TBR1: variants seen among roughly 807,000 people sequenced by gnomAD.
The protein encoded by TBR1 is T-box brain transcription factor 1, also known as T-box brain protein 1.
A neutral mutation model predicts 60.3 loss-of-function variants in TBR1; 7 were observed. That is an observed-to-expected ratio of 0.12 (90% CI 0.07 to 0.22). The LOEUF is 0.22. Among genes scored for constraint, TBR1 ranks in the 10% least tolerant of loss-of-function variants. The pLI is 1.00. For synonymous variants in TBR1, 417 were observed against 409.9 expected (o/e 1.02, Z -0.21); for missense variants, 616 against 936.8 (o/e 0.66, Z 4.47).
At chr2:161,419,542 A>G (rs1482710015) in intron 4 of TBR1, 2 of 155,026 alleles carry the variant, frequency 1.3e-5, no homozygotes, top group African/African-American at 4.8e-5. Context: ...AAGAACATAC[A>G]CATTCATATA....
In TBR1 at chr2:161,416,462, C is replaced by G; in HGVS notation, c.52C>G (p.Leu18Val). The G allele has an allele frequency of 6.2e-7, 1 of 1,612,432 alleles. No homozygotes were observed. Among genetic ancestry groups the G allele is most frequent in the Non-Finnish European group, 8.5e-7 (1 of 1,179,032 alleles). The part of the protein sequence containing the change: ...SPSIMLSKKF[L>V]NVSSSYPHSG... Reference sequence around the variant, plus strand: ...TTCTATCATGCTCTCCAAGAAATTTCTCAATGTGAGCAGCAGCTACCCACA... The same window carrying G: ...TTCTATCATGCTCTCCAAGAAATTTGTCAATGTGAGCAGCAGCTACCCACA... The change falls in exon 1 of 6, where the codon CTC (leucine) becomes GTC (valine). Residue 18 changes from leucine (L) to valine (V), a missense_variant. Leu to Val is a conservative substitution (Grantham distance 32). Coordinates refer to ENST00000389554, the MANE Select transcript of TBR1 (RefSeq NM_006593.4). The surrounding 1 kb of genome is among the most constrained non-coding windows in gnomAD (Gnocchi z 6.1).
rs2105282411 is a variant in TBR1, at chr2:161,423,529, G to GCGGGCC, written c.1353_1358dup (p.Pro455_Gly456dup). The stretch of plus-strand genomic sequence containing the variant: ...GGCCCGCTTCCACCCGGGCGCGGGC[G>GCGGGCC]CGGGCCCCGGGCCGGGTACGGACCG... On this transcript the variant is annotated inframe_insertion, in exon 6 of 6. Coordinates refer to ENST00000389554, the MANE Select transcript of TBR1 (RefSeq NM_006593.4). 2 of 1,577,738 alleles carry GCGGGCC rather than the reference G, an allele frequency of 1.3e-6. No individual in the cohort carries two copies. The highest frequency in any genetic ancestry group is 1.7e-6 in the Non-Finnish European group (2 of 1,164,928).
Position 161,419,003 on chromosome 2 carries a change from T to C in TBR1, c.1081T>C (p.Phe361Leu). 1 of 1,614,180 alleles carries C rather than the reference T, an allele frequency of 6.2e-7. No homozygotes were observed. Among genetic ancestry groups the C allele is most frequent in the Non-Finnish European group, 8.5e-7 (1 of 1,180,010 alleles). Reference sequence around the variant, plus strand: ...GCCCGGCCGCGTGCAGACGTTCACTTTCCCTGAGACTCAGTTCATCGCCGT... The same window carrying C: ...GCCCGGCCGCGTGCAGACGTTCACTCTCCCTGAGACTCAGTTCATCGCCGT... Reference protein sequence around the residue: ...SQPGRVQTFTFPETQFIAVTA... With the variant: ...SQPGRVQTFTLPETQFIAVTA... Residue 361 changes from phenylalanine (F) to leucine (L), a missense_variant, in exon 4 of 6, where the codon TTC (phenylalanine) becomes CTC (leucine). Transcript: ENST00000389554.
In TBR1 at chr2:161,424,378, C is replaced by T; in HGVS notation, c.*151C>T. 1.1e-6 allele frequency: 1 copy of T among 873,602 alleles called. No individual in the cohort carries two copies. The allele number at this position is 873,602 out of a possible 1,614,324, so 54.1% of individuals were successfully genotyped here. A position where few individuals can be genotyped will look rare whatever the true frequency, so the allele number is the denominator to read the frequency against. Reference sequence around the variant, plus strand: ...CCGTCTGCAGCGAATAAGTGCAGGTCTCCGAGCGTGATTTTAACCTTTTTT... The same window carrying T: ...CCGTCTGCAGCGAATAAGTGCAGGTTTCCGAGCGTGATTTTAACCTTTTTT... On this transcript the variant is annotated 3_prime_UTR_variant, in exon 6 of 6. Coordinates refer to ENST00000389554, the MANE Select transcript of TBR1 (RefSeq NM_006593.4). This position sits in a 1 kb window ranked among gnomAD's most constrained non-coding sequence, Gnocchi z 4.4.
intron 5 of TBR1, chr2:161,422,325 G>A (rs1418735352): frequency 1.3e-5 from 2 of 152,274 alleles, no homozygotes; most frequent in Non-Finnish European, 2.9e-5. Context: ...CTAGGCCCAG[G>A]GCCTAAAGTT....
chr2:161,419,907 G>A (rs775905314), intron 4 of TBR1: 8 of 210,004 alleles, frequency 3.8e-5, no homozygotes, highest in Non-Finnish European at 7.6e-5. Context: ...TGTGTAACAA[G>A]CATTTTTAAA....
rs1156503993 is a variant in TBR1, at chr2:161,417,416, A to G, written c.693-260A>G. 25 of 561,648 alleles carry G rather than the reference A, an allele frequency of 4.5e-5. No homozygotes were observed. In the East Asian group the frequency reaches 7.4e-4, roughly 17 times the overall value. 34.8% of individuals were successfully genotyped at this position (561,648 alleles called of 1,614,324 possible). A position where few individuals can be genotyped will look rare whatever the true frequency, so the allele number is the denominator to read the frequency against. On this transcript the variant is annotated intron_variant, in intron 1 of 5. Coordinates refer to ENST00000389554, the MANE Select transcript of TBR1 (RefSeq NM_006593.4). This position sits in a 1 kb window ranked among gnomAD's most constrained non-coding sequence, Gnocchi z 5.3. ...CACTGGCATGCACGGACAGGTGGAGACGCAGGTCGCCAACCTCGCTCTCCA... is the reference window on the plus strand; with the variant it reads ...CACTGGCATGCACGGACAGGTGGAGGCGCAGGTCGCCAACCTCGCTCTCCA...
At position 161,425,356 on chromosome 2, in the gene TBR1, A is replaced by G. The variant is rs776262735; in HGVS notation, c.*1129A>G. 5 of 152,196 alleles carry G rather than the reference A, an allele frequency of 3.3e-5. No homozygotes were observed. Among genetic ancestry groups the G allele is most frequent in the Non-Finnish European group, 5.9e-5 (4 of 68,036 alleles). 9.4% of individuals were successfully genotyped at this position (152,196 alleles called of 1,614,324 possible). On this transcript the variant is annotated 3_prime_UTR_variant, in exon 6 of 6. Coordinates refer to ENST00000389554, the MANE Select transcript of TBR1 (RefSeq NM_006593.4). Reference sequence around the variant, plus strand: ...ATAGATGACTGAATTGTTGGTAACTATAGTGTAGTCTAGTGAAGATGAATT... The same window carrying G: ...ATAGATGACTGAATTGTTGGTAACTGTAGTGTAGTCTAGTGAAGATGAATT...
At position 161,424,319 on chromosome 2, in the gene TBR1, T is replaced by C; in HGVS notation, c.*92T>C. 2 of 1,336,976 alleles carry C rather than the reference T, an allele frequency of 1.5e-6. No individual in the cohort carries two copies. The highest frequency in any genetic ancestry group is 2.9e-5 in the South Asian group (2 of 67,920). The allele number at this position is 1,336,976 out of a possible 1,614,324, so 82.8% of individuals were successfully genotyped here. On this transcript the variant is annotated 3_prime_UTR_variant, in exon 6 of 6. Transcript: ENST00000389554. This position sits in a 1 kb window ranked among gnomAD's most constrained non-coding sequence, Gnocchi z 4.4. ...AGCTCCGCCTCCCCACACTCCTCCT[T>C]GCGCACCCACTCATTTTATTTGACC... is the stretch of plus-strand genomic sequence containing the variant.
chr2:161,423,876 C>T lies in TBR1; in HGVS notation c.1698C>T (p.Pro566=). The change falls in exon 6 of 6, where the codon CCC becomes CCT. Residue 566 remains proline, a synonymous_variant. Coordinates refer to ENST00000389554, the MANE Select transcript of TBR1 (RefSeq NM_006593.4). ...TKSGSVLPCW[P]NSAAAAARMA... ...CGGGCTCGGTGCTGCCCTGCTGGCC[C>T]AACAGCGCCGCGGCCGCCGCGCGCA... The T allele has an allele frequency of 1.4e-6, 2 of 1,383,482 alleles. No homozygotes were observed. The highest frequency in any genetic ancestry group is 1.9e-6 in the Non-Finnish European group (2 of 1,072,312). 85.7% of individuals were successfully genotyped at this position (1,383,482 alleles called of 1,614,324 possible).
Position 161,424,622 on chromosome 2 carries a change from G to T in TBR1, c.*395G>T. On this transcript the variant is annotated 3_prime_UTR_variant, in exon 6 of 6. Transcript: ENST00000389554. This position sits in a 1 kb window ranked among gnomAD's most constrained non-coding sequence, Gnocchi z 4.4. Reference sequence around the variant, plus strand: ...CAGCGATTCCGACCCGCCAAGTCTCGGCCTCCACATTAACCATAGGATGTT... The same window carrying T: ...CAGCGATTCCGACCCGCCAAGTCTCTGCCTCCACATTAACCATAGGATGTT... 5.7e-6 allele frequency: 1 copy of T among 174,134 alleles called. No homozygotes were observed. The highest frequency in any genetic ancestry group is 1.2e-5 in the Non-Finnish European group (1 of 82,170). The allele number at this position is 174,134 out of a possible 1,614,324, so 10.8% of individuals were successfully genotyped here.
intron 5 of TBR1, 65 bp from the exon 6 acceptor site, chr2:161,423,298 GCCCCCA>G: frequency 9.1e-7 from 1 of 1,095,542 alleles, no homozygotes; most frequent in Non-Finnish European, 1.2e-6. Flanking sequence ...CTTCCCTTCT[GCCCCCA>G]CCCCCACCCC....
In TBR1 at chr2:161,423,845, C is replaced by T; in HGVS notation, c.1667C>T (p.Thr556Ile). 1 of 1,463,498 alleles carries T rather than the reference C, an allele frequency of 6.8e-7. No individual in the cohort carries two copies. The highest frequency in any genetic ancestry group is 9.0e-7 in the Non-Finnish European group (1 of 1,109,992). 90.7% of individuals were successfully genotyped at this position (1,463,498 alleles called of 1,614,324 possible). A position where few individuals can be genotyped will look rare whatever the true frequency, so the allele number is the denominator to read the frequency against. ...CGCAGTCCCCCGCAGTACTGCGGCA[C>T]CAAGTCGGGCTCGGTGCTGCCCTGC... Reference protein sequence around the residue: ...GARSPPQYCGTKSGSVLPCWP... With the variant: ...GARSPPQYCGIKSGSVLPCWP... The change falls in exon 6 of 6, where the codon ACC (threonine) becomes ATC (isoleucine). Residue 556 changes from threonine to isoleucine, a missense_variant. By Grantham distance (89) the Thr-to-Ile change is moderately conservative. Transcript: ENST00000389554.
Position 161,419,047 on chromosome 2 carries a change from G to C in TBR1, c.1125G>C (p.Thr375=), listed in dbSNP as rs199651195. 1.2e-6 allele frequency: 2 copies of C among 1,614,126 alleles called. No homozygotes were observed. Among genetic ancestry groups the C allele is most frequent in the Non-Finnish European group, 8.5e-7 (1 of 1,180,022 alleles). Residue 375 remains threonine, a synonymous_variant, in exon 4 of 6, where the codon ACG becomes ACC. Coordinates refer to ENST00000389554, the MANE Select transcript of TBR1 (RefSeq NM_006593.4). ...TCGCCGTCACCGCCTACCAGAACAC[G>C]GATGTAAGGAGACCTAGGGGCTGGG... ...QFIAVTAYQN[T]DITQLKIDHN...
At chr2:161,420,131 T>C (rs1684204034) in intron 4 of TBR1, 65 bp from the exon 5 acceptor site, 2 of 1,409,346 alleles carry the variant, frequency 1.4e-6, no homozygotes, top group Non-Finnish European at 2.0e-6. Context: ...GCAGATGATA[T>C]ATTCTCAAAC....
chr2:161,419,252 C>A, intron 4 of TBR1: 1 of 710,452 alleles, frequency 1.4e-6, no homozygotes, highest in South Asian at 2.2e-5. Flanking sequence ...AAAAAGCTTT[C>A]TATTTGTTTT....
chr2:161,420,268 T>C lies in TBR1; in HGVS notation c.1190+11T>C. On this transcript the variant is annotated intron_variant, in intron 5 of 5. Transcript: ENST00000389554. ...GGATAATTATGACACGTAAGTAACT[T>C]TGTATCTTCCTTTTCAAATAGCTGT... 1 of 1,610,048 alleles carries C rather than the reference T, an allele frequency of 6.2e-7. No individual in the cohort carries two copies. The highest frequency in any genetic ancestry group is 1.1e-5 in the South Asian group (1 of 90,820).
rs781656731 is a variant in TBR1, at chr2:161,416,810, C to A, written c.400C>A (p.His134Asn). Residue 134 changes from histidine to asparagine, a missense_variant, in exon 1 of 6, where the codon CAC becomes AAC. His to Asn is a moderately conservative substitution (Grantham distance 68, BLOSUM62 1). Around this residue, in one of 8 missense-constraint regions of TBR1, gnomAD observed 211 missense variants for 268.7 expected, o/e 0.79. Coordinates refer to ENST00000389554, the MANE Select transcript of TBR1 (RefSeq NM_006593.4). The surrounding 1 kb of genome is among the most constrained non-coding windows in gnomAD (Gnocchi z 6.1). ...FPYPGQHGPA[H>N]PAFSIGSPSR... ...GTACCCCGGCCAGCACGGACCGGCG[C>A]ACCCCGCCTTCTCCATCGGCAGCCC... 2.0e-5 allele frequency: 33 copies of A among 1,614,042 alleles called. No homozygotes were observed. Among genetic ancestry groups the A allele is most frequent in the Non-Finnish European group, 2.5e-6 (3 of 1,180,048 alleles).
At chr2:161,420,101 C>A in intron 4 of TBR1, 95 bp from the exon 5 acceptor site, 2 of 1,076,286 alleles carry the variant, frequency 1.9e-6, no homozygotes, top group Non-Finnish European at 2.8e-6. Context: ...AATTGTAGGC[C>A]TTAAGCCCCT....
Sources: gnomAD v4.1 joint callset for allele counts on GRCh38, gnomAD v4.1.1 for gene constraint, gnomAD v4.1.1 regional missense constraint, Gnocchi (gnomAD v3.1) non-coding constraint, MANE v1.5 for transcripts, NCBI Gene and HGNC (gene_info 2026-07-23, HGNC 2026-07-21) for gene names.